MLLT3: variants seen among roughly 807,000 people sequenced by gnomAD.
MLLT3 encodes MLLT3 super elongation complex subunit.
A neutral mutation model predicts 53.2 loss-of-function variants in MLLT3; 4 were observed. That is an observed-to-expected ratio of 0.08 (90% CI 0.04 to 0.17). The LOEUF (loss-of-function observed/expected upper bound fraction) is 0.17. MLLT3 is among the 10% of genes least tolerant of loss of function. The pLI is 1.00. For missense variants in MLLT3, 569 were observed against 684.0 expected (o/e 0.83, Z 1.87); for synonymous variants, 283 against 230.6 (o/e 1.23, Z -2.06).
intron 2 of MLLT3, among the ~76,000 whole-genome samples, chr9:20,600,846 T>G (rs1034876109): frequency 2.6e-5 from 4 of 152,216 alleles, no homozygotes; most frequent in African/African-American, 9.6e-5. Context: ...TAGATCACTC[T>G]ACTTATTATG....
At chr9:20,487,557 T>C (rs1197301688) in intron 2 of MLLT3, among the ~76,000 whole-genome samples, 1 of 152,144 alleles carries the variant, frequency 6.6e-6, no homozygotes, top group East Asian at 1.9e-4. Context: ...GTACTATTCA[T>C]CACTTTCTTA....
At chr9:20,446,069 T>C (rs979926678) in intron 4 of MLLT3, among the ~76,000 whole-genome samples, 5 of 152,220 alleles carry the variant, frequency 3.3e-5, no homozygotes, top group Non-Finnish European at 5.9e-5. Context: ...TACATTTCTA[T>C]AGAAGTTTAT....
At chr9:20,568,158 AG>A (rs1357946424) in intron 2 of MLLT3, among the ~76,000 whole-genome samples, 1 of 152,194 alleles carries the variant, frequency 6.6e-6, no homozygotes, top group Non-Finnish European at 1.5e-5. Context: ...AGATATTTAT[AG>A]ATTAAAAGAT....
intron 2 of MLLT3, among the ~76,000 whole-genome samples, chr9:20,576,522 T>C (rs1177304861): frequency 6.6e-6 from 1 of 152,068 alleles, no homozygotes; most frequent in African/African-American, 2.4e-5. Flanking sequence ...ATTTCAATAT[T>C]GTTGTGCCAG....
At chr9:20,357,923 A>G (rs1239883080) in intron 8 of MLLT3, among the ~76,000 whole-genome samples, 1 of 150,332 alleles carries the variant, frequency 6.7e-6, no homozygotes, top group Non-Finnish European at 1.5e-5. Flanking sequence ...GAAAATTCAG[A>G]TTCATACTCT....
intron 10 of MLLT3, among the ~76,000 whole-genome samples, chr9:20,347,717 GCA>G (rs1318536888): frequency 2.0e-5 from 3 of 152,246 alleles, no homozygotes; most frequent in African/African-American, 7.2e-5. Context: ...AAGAAAATTT[GCA>G]CAGAGTAAAC....
intron 2 of MLLT3, among the ~76,000 whole-genome samples, chr9:20,501,744 C>A (rs1408612425): frequency 8.3e-6 from 1 of 120,162 alleles, no homozygotes; most frequent in South Asian, 2.7e-4. Flanking sequence ...GGCGACAGAG[C>A]GAGACTCCGT....
intron 2 of MLLT3, among the ~76,000 whole-genome samples, chr9:20,466,685 A>G (rs1824246088): frequency 6.6e-6 from 1 of 152,246 alleles, no homozygotes; most frequent in South Asian, 2.1e-4. Flanking sequence ...CAAATGTGGT[A>G]CTAATTGCAT....
intron 2 of MLLT3, among the ~76,000 whole-genome samples, chr9:20,471,840 T>C (rs1204233143): frequency 6.6e-6 from 1 of 151,966 alleles, no homozygotes; most frequent in Admixed American, 6.6e-5. Context: ...ACCATTTTTT[T>C]TTTTTTTGGA....
At chr9:20,587,256 G>C (rs1422696713) in intron 2 of MLLT3, among the ~76,000 whole-genome samples, 1 of 144,896 alleles carries the variant, frequency 6.9e-6, no homozygotes, top group Admixed American at 6.9e-5. Flanking sequence ...AAACCAATAA[G>C]ACACAAAGCA....
chr9:20,404,056 A>T (rs147104044), intron 5 of MLLT3, among the ~76,000 whole-genome samples: 54 of 152,248 alleles, frequency 3.5e-4, no homozygotes, highest in African/African-American at 1.2e-3. Context: ...CCTAGACTCA[A>T]GTTATCCACT....
At chr9:20,402,348 G>T (rs926863544) in intron 5 of MLLT3, among the ~76,000 whole-genome samples, 23 of 152,116 alleles carry the variant, frequency 1.5e-4, no homozygotes, top group African/African-American at 5.3e-4. Context: ...GGATATGAAG[G>T]TGCCATAGTC....
chr9:20,614,389 T>C lies in MLLT3; in HGVS notation c.193+6265A>G, dbSNP rs376598270. Among the ~76,000 whole-genome samples, 9 of 134,366 alleles carry C rather than the reference T, an allele frequency of 6.7e-5. No individual in the cohort carries two copies. In the South Asian group the frequency reaches 1.0e-3, roughly 15 times the overall value. 88.1% of individuals were successfully genotyped at this position (134,366 alleles called of 152,430 possible). A position where few individuals can be genotyped will look rare whatever the true frequency, so the allele number is the denominator to read the frequency against. On this transcript the variant is annotated intron_variant, in intron 2 of 10. Coordinates refer to ENST00000380338, the MANE Select transcript of MLLT3 (RefSeq NM_004529.4). ...AGCCTGGGTGACAAGAGGGAAACCCTGTCCCAAAATGAAAGAAGGAAGGAA... is the reference window on the plus strand; with the variant it reads ...AGCCTGGGTGACAAGAGGGAAACCCCGTCCCAAAATGAAAGAAGGAAGGAA...
chr9:20,599,035 G>C (rs1820346338), intron 2 of MLLT3, among the ~76,000 whole-genome samples: 1 of 152,216 alleles, frequency 6.6e-6, no homozygotes, highest in African/African-American at 2.4e-5. Context: ...GCCAGGCGCG[G>C]TGGCTCACGC....
In MLLT3 at chr9:20,360,678, G is replaced by A. The variant is rs549827057; in HGVS notation, c.1431+64C>T. On this transcript the variant is annotated intron_variant, in intron 8 of 10. Transcript: ENST00000380338. ...AAATTCAGGGATGAAAGTTTTGCAT[G>A]CTTTGTAAAAATGATTACACCTAGC... 6.0e-5 allele frequency: 81 copies of A among 1,346,074 alleles called. No individual in the cohort carries two copies. The African/African-American group carries it at 1.1e-3, about 18-fold the overall frequency. 83.4% of individuals were successfully genotyped at this position (1,346,074 alleles called of 1,614,324 possible).
rs1031722353 is a variant in MLLT3 at position 20,360,666 on chromosome 9, A to C, written c.1431+76T>G. On this transcript the variant is annotated intron_variant, in intron 8 of 10. Transcript: ENST00000380338. ...GAAGTTTGTTTAAAATTCAGGGATGAAAGTTTTGCATGCTTTGTAAAAATG... is the reference window on the plus strand; with the variant it reads ...GAAGTTTGTTTAAAATTCAGGGATGCAAGTTTTGCATGCTTTGTAAAAATG... 6 of 1,243,448 alleles carry C rather than the reference A, an allele frequency of 4.8e-6. No individual in the cohort carries two copies. In the African/African-American group the frequency reaches 5.9e-5, roughly 12 times the overall value. 77.0% of individuals were successfully genotyped at this position (1,243,448 alleles called of 1,614,324 possible). A position where few individuals can be genotyped will look rare whatever the true frequency, so the allele number is the denominator to read the frequency against.
intron 5 of MLLT3, among the ~76,000 whole-genome samples, chr9:20,406,026 C>T (rs1007982911): frequency 2.0e-5 from 3 of 151,942 alleles, no homozygotes; most frequent in East Asian, 1.9e-4. Flanking sequence ...GCAGCAGAAT[C>T]GCTTGAACCT....
At chr9:20,571,556 C>A (rs568257000) in intron 2 of MLLT3, among the ~76,000 whole-genome samples, 4 of 152,262 alleles carry the variant, frequency 2.6e-5, no homozygotes, top group Admixed American at 2.0e-4. Flanking sequence ...CCATCTTCTA[C>A]ATTAGGTATT....
chr9:20,438,040 C>T (rs563083457), intron 4 of MLLT3, among the ~76,000 whole-genome samples: 17 of 152,104 alleles, frequency 1.1e-4, no homozygotes, highest in Non-Finnish European at 2.2e-4. Context: ...TTATAGATAT[C>T]TATGAATGCT....
Sources: gnomAD v4.1 joint callset for allele counts (sites outside exome capture counted in the v4.1 genomes callset) on GRCh38, gnomAD v4.1.1 for gene constraint, MANE v1.5 for transcripts, NCBI Gene and HGNC (gene_info 2026-07-23, HGNC 2026-07-21) for gene names.